NAA25: variants seen among roughly 807,000 people sequenced by gnomAD.
The protein encoded by NAA25 is N-terminal acetyltransferase B complex subunit NAA25.
Under a neutral mutation model 132.5 loss-of-function variants are expected in NAA25, and 30 were observed. That is an observed-to-expected ratio of 0.23 (90% CI 0.17 to 0.31). The LOEUF (loss-of-function observed/expected upper bound fraction) is 0.31. Among genes scored for constraint, NAA25 ranks in the 10% least tolerant of loss-of-function variants. NAA25 has a pLI of 1.00. For missense variants in NAA25, 771 were observed against 1,150.4 expected, an observed-to-expected ratio of 0.67 and a Z score of 4.77; for synonymous variants, 359 against 401.9, an observed-to-expected ratio of 0.89 and a Z score of 1.28.
intron 23 of NAA25, among the ~76,000 whole-genome samples, chr12:112,031,068 C>G (rs542994288): frequency 6.6e-6 from 1 of 152,172 alleles, no homozygotes; most frequent in Admixed American, 6.5e-5. Flanking sequence ...CCATGAGCCA[C>G]TACACCTGGC....
intron 4 of NAA25, among the ~76,000 whole-genome samples, chr12:112,084,361 C>T (rs971370904): frequency 3.9e-5 from 6 of 152,348 alleles, no homozygotes; most frequent in African/African-American, 9.6e-5. Flanking sequence ...CAAACAAAAA[C>T]CTTCATCCAT....
At chr12:112,093,837 G>A (rs781624215) in intron 1 of NAA25, among the ~76,000 whole-genome samples, 9 of 150,904 alleles carry the variant, frequency 6.0e-5, no homozygotes, top group South Asian at 2.1e-4. Flanking sequence ...AGCCACGGTC[G>A]TGCCACTGCA....
chr12:112,046,864 T>C (rs1785885054), intron 17 of NAA25, among the ~76,000 whole-genome samples: 2 of 152,240 alleles, frequency 1.3e-5, no homozygotes, highest in Non-Finnish European at 2.9e-5. Context: ...AGAAATTTAC[T>C]ACAAACCTTT....
At chr12:112,087,881 A>AC in intron 3 of NAA25, 80 bp from the exon 4 acceptor site, 2 of 871,168 alleles carry the variant, frequency 2.3e-6, no homozygotes, top group Non-Finnish European at 3.8e-6. Flanking sequence ...ATTTGGCAGA[A>AC]ATAGATGTCT....
intron 15 of NAA25, among the ~76,000 whole-genome samples, chr12:112,053,297 A>C (rs1394843182): frequency 6.6e-6 from 1 of 152,224 alleles, no homozygotes; most frequent in African/African-American, 2.4e-5. Context: ...CAGGTCTAAG[A>C]GGACTAACAC....
At chr12:112,071,446 C>T (rs1032104391) in intron 10 of NAA25, among the ~76,000 whole-genome samples, 1 of 152,210 alleles carries the variant, frequency 6.6e-6, no homozygotes, top group Non-Finnish European at 1.5e-5. Flanking sequence ...ACTCTCCTGC[C>T]TCAGCCTCCT....
chr12:112,077,819 ATT>A (rs1045799489), intron 7 of NAA25, among the ~76,000 whole-genome samples: 6 of 151,970 alleles, frequency 3.9e-5, no homozygotes, highest in Non-Finnish European at 8.8e-5. Context: ...AAATAAAAAC[ATT>A]GTGCTAACTG....
rs1233987959 is a variant in NAA25, at chr12:112,090,741, G to A, written c.268C>T (p.Arg90Trp). ...NSLQALTILYREMHRPELVTK... is the reference protein window; with the variant it reads ...NSLQALTILYWEMHRPELVTK... The stretch of plus-strand genomic sequence containing the variant: ...AGAAACATACGTCGGTGCATCTCCC[G>A]GTAAAGGATAGTCAGTGCCTGCAGT... The change falls in exon 3 of 24, where the codon CGG becomes TGG. Residue 90 changes from arginine (R) to tryptophan (W), a missense_variant. Arg to Trp is a moderately radical substitution (Grantham distance 101). Transcript: ENST00000261745. The A allele has an allele frequency of 1.2e-6, 2 of 1,612,120 alleles. No individual in the cohort carries two copies. Among genetic ancestry groups the A allele is most frequent in the East Asian group, 2.2e-5 (1 of 44,820 alleles).
At chr12:112,085,634 T>C (rs1396547850) in intron 4 of NAA25, among the ~76,000 whole-genome samples, 3 of 152,138 alleles carry the variant, frequency 2.0e-5, no homozygotes, top group Non-Finnish European at 4.4e-5. Context: ...AATGAATATT[T>C]AATATACTTT....
intron 1 of NAA25, among the ~76,000 whole-genome samples, chr12:112,098,883 C>T (rs1480892642): frequency 2.0e-5 from 3 of 152,104 alleles, no homozygotes; most frequent in African/African-American, 7.2e-5. Flanking sequence ...AGATTACAGG[C>T]GTGAGCCACC....
At chr12:112,081,190 T>C in intron 4 of NAA25, 56 bp from the exon 5 acceptor site, 1 of 1,422,608 alleles carries the variant, frequency 7.0e-7, no homozygotes. Flanking sequence ...AGGGGATTAA[T>C]GATCTAGATA....
chr12:112,081,060 T>C lies in NAA25; in HGVS notation c.477A>G (p.Gln159=), dbSNP rs1167802807. The part of the protein sequence containing the change: ...YFWSVMSLIM[Q]SISAQDENLS... ...ATCCCATTCTGAATGCCATACTCACTTGCATAATTAAGCTCATCACAGACC... is the reference window on the plus strand; with the variant it reads ...ATCCCATTCTGAATGCCATACTCACCTGCATAATTAAGCTCATCACAGACC... The change falls in exon 5 of 24, where the codon CAA becomes CAG. Residue 159 remains glutamine, a splice_region_variant and synonymous_variant. Transcript: ENST00000261745. 1.1e-5 allele frequency: 18 copies of C among 1,609,570 alleles called. No individual in the cohort carries two copies. Among genetic ancestry groups the C allele is most frequent in the Non-Finnish European group, 1.4e-5 (17 of 1,176,012 alleles).
chr12:112,088,031 CCT>C (rs935187279), intron 3 of NAA25, among the ~76,000 whole-genome samples: 4 of 152,178 alleles, frequency 2.6e-5, no homozygotes, highest in Non-Finnish European at 1.5e-5. Flanking sequence ...TAGGATCTGG[CCT>C]CTGTCTCCTC....
At chr12:112,100,586 T>C (rs2079279338) in intron 1 of NAA25, among the ~76,000 whole-genome samples, 1 of 152,024 alleles carries the variant, frequency 6.6e-6, no homozygotes, top group Admixed American at 6.6e-5. Context: ...GTCCTTTTCT[T>C]TCTTTTCACA....
chr12:112,093,292 C>T (rs1382729180), intron 1 of NAA25, among the ~76,000 whole-genome samples, 156 bp from the exon 2 acceptor site: 2 of 151,994 alleles, frequency 1.3e-5, no homozygotes, highest in Non-Finnish European at 2.9e-5. Flanking sequence ...GTAATCCCAG[C>T]ACTCTGGGAG....
In NAA25 at chr12:112,061,377, C is replaced by T. The variant is rs776658250; in HGVS notation, c.1161G>A (p.Gln387=). Residue 387 remains glutamine (Q), a synonymous_variant, in exon 12 of 24, where the codon CAG becomes CAA. Coordinates refer to ENST00000261745, the MANE Select transcript of NAA25 (RefSeq NM_024953.4). ...PATQCTKFIN[Q]LLGVVPLSTP... is the part of the protein sequence containing the mutation. ...TCGACAAAGGAACAACTCCAAGTAACTGATTAATAAACTGCAAAGTGGGGA... is the reference window on the plus strand; with the variant it reads ...TCGACAAAGGAACAACTCCAAGTAATTGATTAATAAACTGCAAAGTGGGGA... The T allele has an allele frequency of 1.9e-6, 3 of 1,613,596 alleles. No individual in the cohort carries two copies. In the African/African-American group the frequency reaches 4.0e-5, roughly 22 times the overall value.
intron 4 of NAA25, among the ~76,000 whole-genome samples, chr12:112,084,124 A>C (rs1355933668): frequency 3.9e-5 from 6 of 152,226 alleles, no homozygotes; most frequent in Non-Finnish European, 8.8e-5. Flanking sequence ...ACTCAGAATG[A>C]GAATGTCATT....
chr12:112,068,430 A>T (rs541376981), intron 11 of NAA25, among the ~76,000 whole-genome samples: 1 of 152,206 alleles, frequency 6.6e-6, no homozygotes, highest in East Asian at 1.9e-4. Flanking sequence ...AACACACAAA[A>T]ATCAGTGCAT....
Position 112,068,968 on chromosome 12 carries a change from T to C in NAA25, c.1061A>G (p.Gln354Arg). 1 of 1,611,228 alleles carries C rather than the reference T, an allele frequency of 6.2e-7. No homozygotes were observed. Among genetic ancestry groups the C allele is most frequent in the South Asian group, 1.1e-5 (1 of 90,892 alleles). The change falls in exon 11 of 24, where the codon CAG becomes CGG. Residue 354 changes from glutamine to arginine, a missense_variant. Gln to Arg is a conservative substitution (Grantham distance 43). Coordinates refer to ENST00000261745, the MANE Select transcript of NAA25 (RefSeq NM_024953.4). ...TTTATCGCCAAACTTTTTAAAATAC[T>C]GGAACATTAATTCTTCTGGATCACC... ...KLGDPEELMFQYFKKFGDKPC... is the reference protein window; with the variant it reads ...KLGDPEELMFRYFKKFGDKPC...
Sources: gnomAD v4.1 joint callset for allele counts (sites outside exome capture counted in the v4.1 genomes callset) on GRCh38, gnomAD v4.1.1 for gene constraint, MANE v1.5 for transcripts, NCBI Gene and HGNC (gene_info 2026-07-23, HGNC 2026-07-21) for gene names.